SLC12A7: variants seen among roughly 807,000 people sequenced by gnomAD.
SLC12A7 encodes solute carrier family 12 member 7.
SLC12A7 carries 100 observed loss-of-function variants against 120.6 expected under a neutral mutation model. That is an observed-to-expected ratio of 0.83 (90% CI 0.71 to 0.98). The LOEUF (loss-of-function observed/expected upper bound fraction) is 0.98, where lower values mean the gene tolerates loss of function less well. SLC12A7 is among the 50% of genes least tolerant of loss of function. The pLI, the probability that SLC12A7 is intolerant of heterozygous loss-of-function variation, is 0.00. For synonymous variants in SLC12A7, 760 were observed against 678.0 expected (o/e 1.12, Z -1.88); for missense variants, 1,373 against 1,548.1 (o/e 0.89, Z 1.90).
the SLC12A7 span, among the ~76,000 whole-genome samples, chr5:1,131,964 G>T: frequency 6.6e-6 from 1 of 152,176 alleles, no homozygotes. Flanking sequence ...ACAGGGGCTG[G>T]GTCTGATGAG....
the SLC12A7 span, among the ~76,000 whole-genome samples, chr5:1,143,781 C>A: frequency 6.6e-6 from 1 of 152,220 alleles, no homozygotes; most frequent in Non-Finnish European, 1.5e-5. Context: ...TACCAACCAG[C>A]AAACCCGTGG....
the SLC12A7 span, among the ~76,000 whole-genome samples, chr5:1,135,075 C>A: frequency 2.0e-5 from 3 of 151,672 alleles, no homozygotes; most frequent in Non-Finnish European, 4.4e-5. Flanking sequence ...TGCAGTGAGC[C>A]GAGATCTCAC....
the SLC12A7 span, among the ~76,000 whole-genome samples, chr5:1,129,214 C>T: frequency 6.6e-6 from 1 of 152,208 alleles, no homozygotes; most frequent in Non-Finnish European, 1.5e-5. Flanking sequence ...CCTCAGCCAG[C>T]CGCCACTGCT....
chr5:1,084,029 A>T, intron 7 of SLC12A7, 73 bp from the exon 8 acceptor site: 1 of 1,355,092 alleles, frequency 7.4e-7, no homozygotes, highest in Non-Finnish European at 1.0e-6. Context: ...CAGCTCCCCC[A>T]ACGGGCACCC....
the SLC12A7 span, among the ~76,000 whole-genome samples, chr5:1,149,405 C>T: frequency 6.6e-6 from 1 of 151,794 alleles, no homozygotes; most frequent in African/African-American, 2.4e-5. Context: ...GGCGAAACCG[C>T]ATCTCTACTA....
At chr5:1,060,951 G>A (rs1200130869) in intron 20 of SLC12A7, among the ~76,000 whole-genome samples, 2 of 147,362 alleles carry the variant, frequency 1.4e-5, no homozygotes, top group African/African-American at 5.1e-5. Flanking sequence ...GCCTCACCCG[G>A]AACATCCACA....
chr5:1,055,680 A>C (rs1272743189), intron 22 of SLC12A7, among the ~76,000 whole-genome samples: 2 of 152,164 alleles, frequency 1.3e-5, no homozygotes, highest in Non-Finnish European at 2.9e-5. Context: ...CGCTGGGAGG[A>C]GGCACAGGTG....
intron 21 of SLC12A7, among the ~76,000 whole-genome samples, chr5:1,059,719 C>T (rs1482571260): frequency 6.9e-6 from 1 of 144,144 alleles, no homozygotes; most frequent in East Asian, 2.0e-4. Flanking sequence ...TGCAGCCAGG[C>T]GGCCAGCTTC....
chr5:1,125,268 AGT>A, the SLC12A7 span, among the ~76,000 whole-genome samples: 7,069 of 150,382 alleles, frequency 0.047, 308 homozygotes, highest in East Asian at 0.13. Flanking sequence ...TTTAAACGAA[AGT>A]GTGTGTGTGT....
chr5:1,073,548 C>T (rs532322568), intron 17 of SLC12A7, 85 bp downstream of exon 17: 73 of 1,425,348 alleles, frequency 5.1e-5, no homozygotes, highest in South Asian at 7.6e-5. Flanking sequence ...CGTGTTGACA[C>T]GCTGCGATGA....
intron 22 of SLC12A7, among the ~76,000 whole-genome samples, chr5:1,056,354 G>C (rs1010747976): frequency 1.3e-4 from 20 of 152,180 alleles, no homozygotes; most frequent in Non-Finnish European, 2.6e-4. Context: ...GGCTTCAGGC[G>C]TGTGCTGGAG....
chr5:1,104,277 A>G (rs940459521), intron 1 of SLC12A7, among the ~76,000 whole-genome samples: 1 of 152,242 alleles, frequency 6.6e-6, no homozygotes, highest in Non-Finnish European at 1.5e-5. Context: ...CCCTCGTGAC[A>G]GGCTGGCTCC....
chr5:1,113,115 G>C (rs186346287), upstream of SLC12A7, among the ~76,000 whole-genome samples: 39 of 152,314 alleles, frequency 2.6e-4, no homozygotes, highest in African/African-American at 8.9e-4. Context: ...GGAACAATCA[G>C]ATGTCCGTCA....
At chr5:1,067,376 C>T (rs1579339066) in intron 17 of SLC12A7, among the ~76,000 whole-genome samples, 3 of 152,212 alleles carry the variant, frequency 2.0e-5, no homozygotes, top group Admixed American at 6.5e-5. Context: ...GCACCCGCAT[C>T]GGGCGTCATG....
At chr5:1,069,343 C>T (rs940659672) in intron 17 of SLC12A7, among the ~76,000 whole-genome samples, 1 of 152,230 alleles carries the variant, frequency 6.6e-6, no homozygotes, top group Non-Finnish European at 1.5e-5. Context: ...CCTAGGCTGA[C>T]CGGCCCAGAC....
At chr5:1,096,193 G>A (rs1244548248) in intron 1 of SLC12A7, among the ~76,000 whole-genome samples, 1 of 152,302 alleles carries the variant, frequency 6.6e-6, no homozygotes, top group African/African-American at 2.4e-5. Flanking sequence ...ACGCCTGTGA[G>A]AGGCACCACG....
intron 22 of SLC12A7, among the ~76,000 whole-genome samples, chr5:1,054,747 C>T (rs1347980903): frequency 6.6e-6 from 1 of 152,260 alleles, no homozygotes; most frequent in Admixed American, 6.5e-5. Flanking sequence ...ATCCGCTTGA[C>T]GCTTAAGCCA....
the SLC12A7 span, among the ~76,000 whole-genome samples, chr5:1,119,348 G>A: frequency 1.3e-5 from 2 of 152,320 alleles, no homozygotes; most frequent in Non-Finnish European, 1.5e-5. Context: ...GCCAGCACTC[G>A]TTAAAGGTGA....
intron 2 of SLC12A7, 67 bp from the exon 3 acceptor site, chr5:1,093,722 G>C: frequency 1.3e-6 from 2 of 1,595,644 alleles, no homozygotes; most frequent in Admixed American, 1.7e-5. Flanking sequence ...CTCCCTCCCC[G>C]TGTTCAGGGT....
Sources: allele counts gnomAD v4.1 joint callset (sites outside exome capture counted in the v4.1 genomes callset), GRCh38; gene constraint gnomAD v4.1.1; transcripts MANE v1.5; gene names NCBI Gene and HGNC (gene_info 2026-07-23, HGNC 2026-07-21).